The following FAM107B variants were observed in gnomAD, a reference collection of about 807,000 sequenced individuals.
The protein encoded by FAM107B is family with sequence similarity 107 member B, also known as protein FAM107B.
A neutral mutation model predicts 31.5 loss-of-function variants in FAM107B; 21 were observed. The ratio of observed to expected loss-of-function variants is 0.67; its 90% CI spans 0.47 to 0.96. FAM107B has a LOEUF of 0.96. FAM107B is among the 40% of genes least tolerant of loss of function. The probability of loss-of-function intolerance (pLI) is 0.00; values close to 1 mark genes in which losing one functional copy is unlikely to be tolerated. For synonymous variants in FAM107B, 157 were observed against 141.5 expected, an observed-to-expected ratio of 1.11 and a Z score of -0.78; for missense variants, 452 against 377.1, an observed-to-expected ratio of 1.20 and a Z score of -1.64.
chr10:14,530,100 C>G, intron 3 of FAM107B: 1 of 442,064 alleles, frequency 2.3e-6, no homozygotes, highest in Non-Finnish European at 4.1e-6. Context: ...GAAGGGAACC[C>G]GTGACTGCAG....
At chr10:14,671,654 G>T (rs182938946) in intron 1 of FAM107B, among the ~76,000 whole-genome samples, 2 of 152,084 alleles carry the variant, frequency 1.3e-5, no homozygotes, top group African/African-American at 4.8e-5. Flanking sequence ...TTATCCACTG[G>T]CCCTGAAACC....
At chr10:14,747,410 T>C (rs1407486029) in intron 1 of FAM107B, among the ~76,000 whole-genome samples, 2 of 152,252 alleles carry the variant, frequency 1.3e-5, no homozygotes, top group East Asian at 1.9e-4. Context: ...ATTGCTTCTT[T>C]CTCATCTTTG....
At chr10:14,734,488 G>GTGTTTTTGTTTTTGT (rs558940939) in intron 1 of FAM107B, among the ~76,000 whole-genome samples, 21 of 138,562 alleles carry the variant, frequency 1.5e-4, no homozygotes, top group African/African-American at 5.4e-4. Context: ...TTTTTGTGAG[G>GTGTTTTTGTTTTTGT]TTTTTTTTTT....
intron 1 of FAM107B, among the ~76,000 whole-genome samples, chr10:14,681,324 C>T (rs764479733): frequency 1.6e-4 from 24 of 152,292 alleles, no homozygotes; most frequent in Non-Finnish European, 2.9e-4. Flanking sequence ...CAGGTATGGT[C>T]TGATGCTCAG....
At chr10:14,717,142 G>A (rs147039634) in intron 1 of FAM107B, among the ~76,000 whole-genome samples, 23 of 152,178 alleles carry the variant, frequency 1.5e-4, no homozygotes, top group Non-Finnish European at 3.1e-4. Context: ...GCAACCACCC[G>A]ACAAAGCAGA....
At chr10:14,668,243 C>G (rs193219699) in intron 1 of FAM107B, among the ~76,000 whole-genome samples, 1 of 152,144 alleles carries the variant, frequency 6.6e-6, no homozygotes, top group Non-Finnish European at 1.5e-5. Context: ...CGGGGTTTCA[C>G]CATGTTGGCC....
At chr10:14,603,254 T>C (rs1007269256) in intron 2 of FAM107B, among the ~76,000 whole-genome samples, 10 of 152,248 alleles carry the variant, frequency 6.6e-5, no homozygotes, top group Middle Eastern at 3.4e-3. Flanking sequence ...GCCACTTGGA[T>C]AGATAGAATT....
Position 14,567,772 on chromosome 10 carries a change from G to A in FAM107B, c.470-37257C>T, listed in dbSNP as rs186163527. Among the ~76,000 whole-genome samples, 9 of 152,328 alleles carry A rather than the reference G, an allele frequency of 5.9e-5. No homozygotes were observed. In the East Asian group the frequency reaches 1.7e-3, roughly 29 times the overall value. On this transcript the variant is annotated intron_variant, in intron 2 of 4. Coordinates refer to ENST00000181796, the MANE Select transcript of FAM107B (RefSeq NM_031453.4). The stretch of plus-strand genomic sequence containing the variant: ...CTTATTGTAATCTGTCAGCTGAGCT[G>A]AAGGACAGAAGCTTCTGGTGAGTAG...
chr10:14,604,143 C>T (rs1487774470), intron 2 of FAM107B: 1 of 840,642 alleles, frequency 1.2e-6, no homozygotes, highest in Non-Finnish European at 1.4e-6. Flanking sequence ...GCCCGCCCGC[C>T]GAGAGGGTCC....
chr10:14,602,512 G>A (rs888489355), intron 2 of FAM107B: 2 of 152,174 alleles, frequency 1.3e-5, no homozygotes, highest in Non-Finnish European at 2.9e-5. Flanking sequence ...CACAACTCAC[G>A]ATTCTCAGGA....
intron 2 of FAM107B, among the ~76,000 whole-genome samples, chr10:14,629,068 G>T (rs1430645996): frequency 6.7e-6 from 1 of 149,730 alleles, no homozygotes; most frequent in South Asian, 2.1e-4. Context: ...TTAAAAACTT[G>T]AAGGATTTAG....
chr10:14,767,407 T>C (rs1833206546), intron 1 of FAM107B, among the ~76,000 whole-genome samples: 1 of 151,772 alleles, frequency 6.6e-6, no homozygotes, highest in Non-Finnish European at 1.5e-5. Context: ...TGAGCATTAA[T>C]AGAAAGATCC....
chr10:14,518,801 C>T lies in FAM107B; in HGVS notation c.*2389G>A, dbSNP rs1845361349. On this transcript the variant is annotated 3_prime_UTR_variant, in exon 5 of 5. Coordinates refer to ENST00000181796, the MANE Select transcript of FAM107B (RefSeq NM_031453.4). ...TATAGCTTAGAAAGCAACACTACTACTATGAGACTATAAAACATTAAACTA... is the reference window on the plus strand; with the variant it reads ...TATAGCTTAGAAAGCAACACTACTATTATGAGACTATAAAACATTAAACTA... The T allele has an allele frequency of 6.6e-6, 1 of 152,602 alleles. No individual in the cohort carries two copies. The highest frequency in any genetic ancestry group is 2.4e-5 in the African/African-American group (1 of 41,434). 9.5% of individuals were successfully genotyped at this position (152,602 alleles called of 1,614,324 possible). A position where few individuals can be genotyped will look rare whatever the true frequency, so the allele number is the denominator to read the frequency against.
chr10:14,601,344 C>T (rs1390770524), intron 2 of FAM107B, among the ~76,000 whole-genome samples: 1 of 152,134 alleles, frequency 6.6e-6, no homozygotes, highest in East Asian at 1.9e-4. Context: ...AGCACGTTTC[C>T]TAAGTACTTA....
At chr10:14,755,386 C>T (rs1832907749) in intron 1 of FAM107B, among the ~76,000 whole-genome samples, 1 of 150,882 alleles carries the variant, frequency 6.6e-6, no homozygotes, top group South Asian at 2.1e-4. Flanking sequence ...TACAAAAATA[C>T]AAAAATTAGC....
At chr10:14,621,434 A>G (rs1853008043) in intron 2 of FAM107B, among the ~76,000 whole-genome samples, 1 of 152,204 alleles carries the variant, frequency 6.6e-6, no homozygotes, top group African/African-American at 2.4e-5. Flanking sequence ...TGGATGAAAT[A>G]TTTCCTCCTG....
chr10:14,634,828 C>T (rs530398099), intron 2 of FAM107B, among the ~76,000 whole-genome samples: 1 of 152,072 alleles, frequency 6.6e-6, no homozygotes, highest in African/African-American at 2.4e-5. Flanking sequence ...CGGTGTCTCA[C>T]GCCTATAATC....
intron 2 of FAM107B, among the ~76,000 whole-genome samples, chr10:14,617,751 C>A (rs1444627172): frequency 8.2e-6 from 1 of 122,124 alleles, no homozygotes; most frequent in African/African-American, 3.0e-5. Context: ...TTCAGGTAGA[C>A]GCCAAAAAAA....
At chr10:14,626,731 C>T (rs1030458750) in intron 2 of FAM107B, among the ~76,000 whole-genome samples, 19 of 152,232 alleles carry the variant, frequency 1.2e-4, no homozygotes, top group Non-Finnish European at 2.2e-4. Flanking sequence ...TCTCGATCTC[C>T]TGACCTCGTG....
Sources: gnomAD v4.1 joint callset for allele counts (sites outside exome capture counted in the v4.1 genomes callset) on GRCh38, gnomAD v4.1.1 for gene constraint, MANE v1.5 for transcripts, NCBI Gene and HGNC (gene_info 2026-07-23, HGNC 2026-07-21) for gene names.